The following LGR6 variants were observed in gnomAD, a reference collection of about 807,000 sequenced individuals.
LGR6 encodes leucine rich repeat containing G protein-coupled receptor 6.
A neutral mutation model predicts 69.4 loss-of-function variants in LGR6; 45 were observed. The observed-to-expected ratio is 0.65, with a 90% CI of 0.51 to 0.83. LGR6 has a LOEUF of 0.83. Among genes scored for constraint, LGR6 ranks in the 40% least tolerant of loss-of-function variants. The probability of loss-of-function intolerance (pLI) is 0.00; values close to 1 mark genes in which losing one functional copy is unlikely to be tolerated. For missense variants in LGR6, 1,108 were observed against 1,246.7 expected, an observed-to-expected ratio of 0.89 and a Z score of 1.68; for synonymous variants, 538 against 555.0, an observed-to-expected ratio of 0.97 and a Z score of 0.43.
chr1:202,230,777 C>G (rs541143874), intron 3 of LGR6, among the ~76,000 whole-genome samples: 1 of 152,220 alleles, frequency 6.6e-6, no homozygotes, highest in Non-Finnish European at 1.5e-5. Flanking sequence ...CATCTTCTCA[C>G]ATCTGCAGAC....
chr1:202,276,282 C>T (rs1665543147), intron 4 of LGR6, 24 bp from the exon 5 acceptor site: 1 of 1,593,384 alleles, frequency 6.3e-7, no homozygotes, highest in Non-Finnish European at 8.6e-7. Flanking sequence ...TGGATTGACC[C>T]CTCTCCATCC....
chr1:202,319,164 G>A lies in LGR6; in HGVS notation c.2861G>A (p.Gly954Asp). The A allele has an allele frequency of 1.2e-6, 2 of 1,612,910 alleles. No individual in the cohort carries two copies. The highest frequency in any genetic ancestry group is 1.1e-5 in the South Asian group (1 of 90,898). Residue 954 changes from glycine (G) to aspartate (D), a missense_variant, in exon 18 of 18, where the codon GGC becomes GAC. Coordinates refer to ENST00000367278, the MANE Select transcript of LGR6 (RefSeq NM_001017403.2). ...TPAGGGLSGGGGFQPSGLAFA... is the reference protein window; with the variant it reads ...TPAGGGLSGGDGFQPSGLAFA... ...GCAGGTGGAGGCTTGTCAGGGGGTG[G>A]CGGCTTTCAGCCCTCTGGCTTGGCC...
chr1:202,206,763 T>C (rs1005586576), intron 1 of LGR6, among the ~76,000 whole-genome samples: 2 of 152,104 alleles, frequency 1.3e-5, no homozygotes, highest in East Asian at 3.8e-4. Context: ...TATAATGGGA[T>C]CTCACTATAT....
chr1:202,265,868 C>T (rs963135602), intron 4 of LGR6, among the ~76,000 whole-genome samples: 1 of 152,276 alleles, frequency 6.6e-6, no homozygotes, highest in East Asian at 1.9e-4. Flanking sequence ...TAGCCCGCGT[C>T]TTCAGGGGTC....
intron 1 of LGR6, chr1:202,196,980 C>T (rs1658663814): frequency 3.8e-6 from 2 of 526,764 alleles, no homozygotes; most frequent in African/African-American, 1.9e-5. Flanking sequence ...GTCCTCCTGA[C>T]ACAGAGTTAA....
Position 202,193,907 on chromosome 1 carries a change from CG to C in LGR6, c.-80del. ...GGTCCCCACCGACGGTGCAGCCCGC[CG>C]GGACCGGGAGGAAGCAGCTGCGGCC... On this transcript the variant is annotated 5_prime_UTR_variant, in exon 1 of 18. Coordinates refer to ENST00000367278, the MANE Select transcript of LGR6 (RefSeq NM_001017403.2). 1.1e-6 allele frequency: 1 copy of C among 931,372 alleles called. No individual in the cohort carries two copies. Among genetic ancestry groups the C allele is most frequent in the Non-Finnish European group, 1.4e-6 (1 of 713,124 alleles). The allele number at this position is 931,372 out of a possible 1,614,324, so 57.7% of individuals were successfully genotyped here. A position where few individuals can be genotyped will look rare whatever the true frequency, so the allele number is the denominator to read the frequency against.
At position 202,267,747 on chromosome 1, in the gene LGR6, A is replaced by C. The variant is rs115039582; in HGVS notation, c.429-8559A>C. On this transcript the variant is annotated intron_variant, in intron 4 of 17. Transcript: ENST00000367278. Reference sequence around the variant, plus strand: ...TTTTTATATTGTTTTATCAAACAGCAAAGTATATAGTCTAAGAGCTTCTCT... The same window carrying C: ...TTTTTATATTGTTTTATCAAACAGCCAAGTATATAGTCTAAGAGCTTCTCT... 6.8e-3 allele frequency among the ~76,000 whole-genome samples: 1,041 copies of C among 152,332 alleles called. 11 individuals carry two copies. The highest frequency in any genetic ancestry group is 0.023 in the African/African-American group (957 of 41,570).
intron 1 of LGR6, among the ~76,000 whole-genome samples, chr1:202,205,722 C>T (rs1438695166): frequency 2.0e-5 from 3 of 147,884 alleles, no homozygotes; most frequent in Non-Finnish European, 3.0e-5. Context: ...AACACACACA[C>T]CTTCTTCAAA....
At chr1:202,256,371 G>A (rs1663775677) in intron 4 of LGR6, among the ~76,000 whole-genome samples, 1 of 152,178 alleles carries the variant, frequency 6.6e-6, no homozygotes, top group African/African-American at 2.4e-5. Flanking sequence ...AGCCTCCCAA[G>A]TAGCTGGGAT....
chr1:202,252,431 A>C (rs1663343791), intron 4 of LGR6, among the ~76,000 whole-genome samples: 1 of 152,078 alleles, frequency 6.6e-6, no homozygotes, highest in Non-Finnish European at 1.5e-5. Context: ...CACTCTTTAT[A>C]ATTATTTCTT....
chr1:202,312,129 C>CGCCT (rs1653791961), intron 16 of LGR6, among the ~76,000 whole-genome samples: 1 of 152,208 alleles, frequency 6.6e-6, no homozygotes, highest in Admixed American at 6.5e-5. Flanking sequence ...GGCTGCCTGC[C>CGCCT]GCCTGTAACG....
chr1:202,249,028 A>T (rs148074998), intron 4 of LGR6, among the ~76,000 whole-genome samples: 1 of 152,050 alleles, frequency 6.6e-6, no homozygotes, highest in African/African-American at 2.4e-5. Context: ...TGCGTGATAG[A>T]TACCAGGTAC....
chr1:202,294,546 T>G (rs1468466791), intron 6 of LGR6, among the ~76,000 whole-genome samples: 1 of 152,178 alleles, frequency 6.6e-6, no homozygotes, highest in African/African-American at 2.4e-5. Flanking sequence ...GTCTGGGCCC[T>G]TGGTATTGGT....
intron 6 of LGR6, among the ~76,000 whole-genome samples, chr1:202,297,279 C>T (rs529436113): frequency 6.6e-6 from 1 of 152,288 alleles, no homozygotes; most frequent in Non-Finnish European, 1.5e-5. Context: ...AAGTATGTCT[C>T]CCCCCTCAGA....
intron 4 of LGR6, among the ~76,000 whole-genome samples, chr1:202,243,050 G>C (rs1265532768): frequency 6.6e-6 from 1 of 152,184 alleles, no homozygotes; most frequent in Non-Finnish European, 1.5e-5. Context: ...GCAGAGCCTG[G>C]GTCAGAAGTC....
chr1:202,242,574 C>T (rs1558030005), intron 4 of LGR6, among the ~76,000 whole-genome samples: 1 of 152,242 alleles, frequency 6.6e-6, no homozygotes, highest in Non-Finnish European at 1.5e-5. Context: ...TTTATGCTTA[C>T]TGGGTGCTTG....
At chr1:202,238,893 G>T (rs552881927) in intron 4 of LGR6, among the ~76,000 whole-genome samples, 1 of 152,178 alleles carries the variant, frequency 6.6e-6, no homozygotes, top group East Asian at 1.9e-4. Flanking sequence ...TTCTTGTATC[G>T]GTTGGAATCC....
In LGR6 at chr1:202,277,011, G is replaced by A. The variant is rs114803555; in HGVS notation, c.644+490G>A. Among the ~76,000 whole-genome samples the A allele has an allele frequency of 3.4e-3, 522 of 152,216 alleles. 4 individuals carry two copies. The highest frequency in any genetic ancestry group is 0.012 in the African/African-American group (488 of 41,532). On this transcript the variant is annotated intron_variant, in intron 5 of 17. Transcript: ENST00000367278. Reference sequence around the variant, plus strand: ...CAAAGCCCCATCACTGTAATTACCTGGGAGATAGCATCCCTGGCAGGAATT... The same window carrying A: ...CAAAGCCCCATCACTGTAATTACCTAGGAGATAGCATCCCTGGCAGGAATT...
chr1:202,303,230 T>G, intron 9 of LGR6, 49 bp from the exon 10 acceptor site: 2 of 1,372,252 alleles, frequency 1.5e-6, no homozygotes, highest in Non-Finnish European at 1.0e-6. Context: ...AGTCTTGATG[T>G]TGAGATGCTC....
Sources: allele counts gnomAD v4.1 joint callset (sites outside exome capture counted in the v4.1 genomes callset), GRCh38; gene constraint gnomAD v4.1.1; transcripts MANE v1.5; gene names NCBI Gene and HGNC (gene_info 2026-07-23, HGNC 2026-07-21).